LRRC4C: variants seen among roughly 807,000 people sequenced by gnomAD.
LRRC4C encodes leucine-rich repeat-containing protein 4C.
A neutral mutation model predicts 33.6 loss-of-function variants in LRRC4C; 5 were observed. That is an observed-to-expected ratio of 0.15 (90% CI 0.08 to 0.31). The LOEUF is 0.31. Ranked by LOEUF, LRRC4C falls within the 10% of genes least tolerant of loss-of-function variation. The probability of loss-of-function intolerance (pLI) is 1.00; values close to 1 mark genes in which losing one functional copy is unlikely to be tolerated. For synonymous variants in LRRC4C, 329 were observed against 302.0 expected (o/e 1.09, Z -0.93); for missense variants, 560 against 796.7 (o/e 0.70, Z 3.58).
chr11:41,131,861 A>G (rs1590699542), intron 1 of LRRC4C, among the ~76,000 whole-genome samples: 1 of 152,148 alleles, frequency 6.6e-6, no homozygotes, highest in Non-Finnish European at 1.5e-5. Context: ...TCACCATGAC[A>G]TCTTACAAAT....
At chr11:41,338,921 C>T (rs1951543963) in intron 1 of LRRC4C, among the ~76,000 whole-genome samples, 2 of 151,838 alleles carry the variant, frequency 1.3e-5, no homozygotes, top group Non-Finnish European at 2.9e-5. Flanking sequence ...ATGGAAATGT[C>T]CCCTCCAGAG....
At chr11:40,310,201 C>A (rs952966946) in intron 4 of LRRC4C, among the ~76,000 whole-genome samples, 5 of 152,156 alleles carry the variant, frequency 3.3e-5, no homozygotes, top group African/African-American at 1.2e-4. Context: ...TAAATTGGAA[C>A]ATATTTTCAA....
intron 3 of LRRC4C, among the ~76,000 whole-genome samples, chr11:40,644,948 T>G (rs1591359619): frequency 6.7e-6 from 1 of 149,566 alleles, no homozygotes. Context: ...ATCTCTGTGT[T>G]TTTTTTTTTT....
intron 2 of LRRC4C, among the ~76,000 whole-genome samples, chr11:40,765,722 A>C (rs749718184): frequency 2.0e-5 from 3 of 152,026 alleles, no homozygotes; most frequent in African/African-American, 7.2e-5. Context: ...AGCAGAATTG[A>C]TCAAGCAGAA....
At chr11:40,877,598 C>T (rs1437820630) in intron 2 of LRRC4C, among the ~76,000 whole-genome samples, 1 of 152,170 alleles carries the variant, frequency 6.6e-6, no homozygotes, top group Non-Finnish European at 1.5e-5. Context: ...TCCTAAAATT[C>T]ATGGCAAATA....
intron 2 of LRRC4C, among the ~76,000 whole-genome samples, chr11:40,913,576 A>G: frequency 6.6e-6 from 1 of 152,176 alleles, no homozygotes; most frequent in Admixed American, 6.5e-5. Context: ...ATAGCACTAA[A>G]TGCCCACAAG....
intron 1 of LRRC4C, among the ~76,000 whole-genome samples, chr11:40,947,105 C>T (rs945404633): frequency 2.6e-5 from 4 of 151,980 alleles, no homozygotes; most frequent in Non-Finnish European, 5.9e-5. Flanking sequence ...CATTGAATAA[C>T]CTTTGGAAAT....
chr11:40,891,245 C>T (rs537946944), intron 2 of LRRC4C, among the ~76,000 whole-genome samples: 12 of 151,926 alleles, frequency 7.9e-5, no homozygotes, highest in East Asian at 3.9e-4. Flanking sequence ...CTCAAATAAA[C>T]GAACAAACAA....
intron 2 of LRRC4C, among the ~76,000 whole-genome samples, chr11:40,797,549 T>C (rs1950883854): frequency 6.6e-6 from 1 of 152,142 alleles, no homozygotes; most frequent in South Asian, 2.1e-4. Flanking sequence ...TTTTATTATA[T>C]AGACTACAGT....
chr11:41,345,689 T>C (rs1330175335), intron 1 of LRRC4C, among the ~76,000 whole-genome samples: 1 of 152,166 alleles, frequency 6.6e-6, no homozygotes, highest in African/African-American at 2.4e-5. Flanking sequence ...AAAGTAGGTA[T>C]CATGACCTAG....
At chr11:41,066,118 C>G (rs1938217206) in intron 1 of LRRC4C, among the ~76,000 whole-genome samples, 1 of 152,058 alleles carries the variant, frequency 6.6e-6, no homozygotes, top group Non-Finnish European at 1.5e-5. Flanking sequence ...ACAAGCTCCA[C>G]TGAATTAAAG....
intron 2 of LRRC4C, among the ~76,000 whole-genome samples, chr11:40,651,042 T>G (rs1412063444): frequency 6.6e-6 from 1 of 152,184 alleles, no homozygotes; most frequent in Non-Finnish European, 1.5e-5. Flanking sequence ...TAATAGAACA[T>G]TTGCCAGTCA....
At chr11:41,025,269 T>C (rs1590276174) in intron 1 of LRRC4C, among the ~76,000 whole-genome samples, 1 of 151,608 alleles carries the variant, frequency 6.6e-6, no homozygotes, top group African/African-American at 2.4e-5. Flanking sequence ...AAGATAGATA[T>C]GTTAAAAGCT....
Position 41,281,080 on chromosome 11 carries a change from T to TCTCTCTCTCTGTC in LRRC4C, c.-496+178350_-496+178351insGACAGAGAGAGAG, listed in dbSNP as rs1949656992. 1.0e-3 allele frequency among the ~76,000 whole-genome samples: 105 copies of TCTCTCTCTCTGTC among 104,442 alleles called. 1 individual carries two copies. Among genetic ancestry groups the TCTCTCTCTCTGTC allele is most frequent in the African/African-American group, 4.2e-3 (94 of 22,178 alleles). The allele number at this position is 104,442 out of a possible 152,430, so 68.5% of individuals were successfully genotyped here. On this transcript the variant is annotated intron_variant, in intron 1 of 6. Coordinates refer to ENST00000528697, the MANE Select transcript of LRRC4C (RefSeq NM_001258419.2). The stretch of plus-strand genomic sequence containing the variant: ...TCTCTCTCTCTCTCTCTCTCTGTCC[T>TCTCTCTCTCTGTC]CTCTCTCTCTCTCTCTCTCTCTCTC...
chr11:40,388,353 G>A (rs865989430), intron 3 of LRRC4C, among the ~76,000 whole-genome samples: 1 of 152,038 alleles, frequency 6.6e-6, no homozygotes, highest in Non-Finnish European at 1.5e-5. Flanking sequence ...ATACTCATAA[G>A]TACACCATAA....
chr11:40,823,032 G>A (rs1177547382), intron 2 of LRRC4C, among the ~76,000 whole-genome samples: 1 of 151,702 alleles, frequency 6.6e-6, no homozygotes, highest in Non-Finnish European at 1.5e-5. Context: ...ATCAGTCTAT[G>A]TGTTTGTGTG....
intron 1 of LRRC4C, among the ~76,000 whole-genome samples, chr11:40,981,605 A>G (rs1002156932): frequency 6.6e-6 from 1 of 152,166 alleles, no homozygotes; most frequent in African/African-American, 2.4e-5. Flanking sequence ...AGTCACAAAC[A>G]TATTCATGCA....
At chr11:40,816,064 C>T (rs945449842) in intron 2 of LRRC4C, among the ~76,000 whole-genome samples, 4 of 152,150 alleles carry the variant, frequency 2.6e-5, no homozygotes, top group Non-Finnish European at 4.4e-5. Context: ...AAATCAGCCA[C>T]TTTTACTAAA....
At chr11:40,956,066 G>A (rs1431101275) in intron 1 of LRRC4C, among the ~76,000 whole-genome samples, 1 of 151,668 alleles carries the variant, frequency 6.6e-6, no homozygotes, top group Non-Finnish European at 1.5e-5. Context: ...ACTTACAAAG[G>A]GCCATATTGT....
Sources: gnomAD v4.1 joint callset for allele counts (sites outside exome capture counted in the v4.1 genomes callset) on GRCh38, gnomAD v4.1.1 for gene constraint, MANE v1.5 for transcripts, NCBI Gene and HGNC (gene_info 2026-07-23, HGNC 2026-07-21) for gene names.